Variants in POTEC observed in about 807,000 individuals in gnomAD.
The protein encoded by POTEC is ANKRD26-like family B member 2.
Under a neutral mutation model 62.0 loss-of-function variants are expected in POTEC, and 35 were observed. That is an observed-to-expected ratio of 0.56 (90% confidence interval 0.43 to 0.75). The LOEUF is 0.75. Among genes scored for constraint, POTEC ranks in the 30% least tolerant of loss-of-function variants. The probability of loss-of-function intolerance (pLI) is 0.00; values close to 1 mark genes in which losing one functional copy is unlikely to be tolerated. For missense variants in POTEC, 472 were observed against 655.9 expected, an observed-to-expected ratio of 0.72 and a Z score of 3.06; for synonymous variants, 156 against 221.5, an observed-to-expected ratio of 0.70 and a Z score of 2.62.
chr18:14,519,510 AGTTTGAAAC>A (rs1910253792), intron 9 of POTEC, among the ~76,000 whole-genome samples: 1 of 152,152 alleles, frequency 6.6e-6, no homozygotes. Context: ...TGAGGTCAGG[AGTTTGAAAC>A]CAGGCTGGCC....
rs202231422 is a variant in POTEC at position 14,536,622 on chromosome 18, T to C, written c.810+1179A>G. 8.3e-3 allele frequency among the ~76,000 whole-genome samples: 1,255 copies of C among 152,100 alleles called. 14 individuals are homozygous for C. The highest frequency in any genetic ancestry group is 0.04 in the South Asian group (193 of 4,806). On this transcript the variant is annotated intron_variant, in intron 3 of 10. Transcript: ENST00000358970. Reference sequence around the variant, plus strand: ...GGGGAAAACCTAGACTTGAAGATTATTTAAAAATTTTCCTGAGGTAACTGG... The same window carrying C: ...GGGGAAAACCTAGACTTGAAGATTACTTAAAAATTTTCCTGAGGTAACTGG...
intron 3 of POTEC, among the ~76,000 whole-genome samples, chr18:14,537,154 C>T (rs114385333): frequency 0.023 from 2,503 of 109,144 alleles, 28 homozygotes; most frequent in Middle Eastern, 0.034. Context: ...ATAAAGGAAA[C>T]GAATGAACAA....
At chr18:14,514,234 G>A (rs2143108824) in intron 9 of POTEC, among the ~76,000 whole-genome samples, 1 of 151,994 alleles carries the variant, frequency 6.6e-6, no homozygotes, top group East Asian at 1.9e-4. Flanking sequence ...CCATGCATGA[G>A]CAGCTTGCAA....
intron 9 of POTEC, among the ~76,000 whole-genome samples, chr18:14,519,600 C>G (rs1910256020): frequency 6.6e-6 from 1 of 152,028 alleles, no homozygotes; most frequent in Admixed American, 6.6e-5. Context: ...ACCTGTAATG[C>G]CAGCTACTCA....
chr18:14,538,034 C>T, intron 2 of POTEC, 60 bp from the exon 3 acceptor site: 1 of 1,594,512 alleles, frequency 6.3e-7, no homozygotes, highest in Non-Finnish European at 8.5e-7. Flanking sequence ...TAACATTCCA[C>T]AGCTTTCACC....
chr18:14,523,802 C>G (rs1006741124), intron 7 of POTEC, among the ~76,000 whole-genome samples: 13 of 152,094 alleles, frequency 8.5e-5, no homozygotes, highest in Admixed American at 7.2e-4. Context: ...GCAAACTTAA[C>G]TTTGTTACCA....
At chr18:14,513,639 T>G in intron 10 of POTEC, 23 bp downstream of exon 10, 4 of 1,609,778 alleles carry the variant, frequency 2.5e-6, no homozygotes, top group Non-Finnish European at 3.4e-6. Flanking sequence ...ATGAAAACAT[T>G]TGAAAATGAC....
chr18:14,537,172 AACAC>A lies in POTEC; in HGVS notation c.810+625_810+628del, dbSNP rs1158054861. Among the ~76,000 whole-genome samples, 343 of 64,678 alleles carry A rather than the reference AACAC, an allele frequency of 5.3e-3. 6 individuals carry two copies. Among genetic ancestry groups the A allele is most frequent in the Non-Finnish European group, 6.0e-3 (201 of 33,740 alleles). 42.4% of individuals were successfully genotyped at this position (64,678 alleles called of 152,430 possible). A position where few individuals can be genotyped will look rare whatever the true frequency, so the allele number is the denominator to read the frequency against. ...AAGGAAACGAATGAACAACAATAAC[AACAC>A]ACACACACACACACACACACACACA... On this transcript the variant is annotated intron_variant, in intron 3 of 10. Transcript: ENST00000358970.
At chr18:14,540,150 A>G (rs1276612723) in intron 1 of POTEC, among the ~76,000 whole-genome samples, 1 of 152,132 alleles carries the variant, frequency 6.6e-6, no homozygotes, top group Non-Finnish European at 1.5e-5. Flanking sequence ...ATTATATAAT[A>G]AAATGTATAT....
Position 14,508,060 on chromosome 18 carries a change from T to C in POTEC, c.*3838A>G, listed in dbSNP as rs930058226. 36 of 152,322 alleles carry C rather than the reference T, an allele frequency of 2.4e-4. No individual in the cohort carries two copies. Among genetic ancestry groups the C allele is most frequent in the Admixed American group, 2.1e-3 (32 of 15,304 alleles). The allele number at this position is 152,322 out of a possible 1,614,324, so 9.4% of individuals were successfully genotyped here. ...ATGTGTCTTGGGGATGATCTTCTCA[T>C]GGCATATCTTACTGAGGTTCTCTGG... On this transcript the variant is annotated 3_prime_UTR_variant, in exon 11 of 11. Coordinates refer to ENST00000358970, the MANE Select transcript of POTEC (RefSeq NM_001137671.2).
At chr18:14,512,206 A>T (rs1425616205) in intron 10 of POTEC, among the ~76,000 whole-genome samples, 1 of 152,092 alleles carries the variant, frequency 6.6e-6, no homozygotes, top group Non-Finnish European at 1.5e-5. Flanking sequence ...AAAATAAATC[A>T]CTAGAGGATT....
At chr18:14,526,849 C>A (rs1910450085) in intron 6 of POTEC, among the ~76,000 whole-genome samples, 1 of 152,074 alleles carries the variant, frequency 6.6e-6, no homozygotes, top group African/African-American at 2.4e-5. Context: ...AGATGTAGAT[C>A]ATTTTAATGC....
intron 6 of POTEC, among the ~76,000 whole-genome samples, chr18:14,529,817 G>C (rs1474894140): frequency 6.6e-6 from 1 of 152,062 alleles, no homozygotes; most frequent in Non-Finnish European, 1.5e-5. Flanking sequence ...CAGTAAGAGT[G>C]AGACCTTGTT....
intron 1 of POTEC, among the ~76,000 whole-genome samples, chr18:14,538,645 A>G (rs1024842223): frequency 2.0e-5 from 3 of 151,930 alleles, no homozygotes; most frequent in African/African-American, 7.2e-5. Flanking sequence ...CCTAACACAA[A>G]TAACAGCTCA....
Position 14,507,368 on chromosome 18 carries a change from A to G in POTEC, c.*4530T>C, listed in dbSNP as rs1909869918. 1 of 149,466 alleles carries G rather than the reference A, an allele frequency of 6.7e-6. No homozygotes were observed. Among genetic ancestry groups the G allele is most frequent in the South Asian group, 2.1e-4 (1 of 4,748 alleles). The allele number at this position is 149,466 out of a possible 1,614,324, so 9.3% of individuals were successfully genotyped here. ...TTTTTTTTTAAATCTTTATTGGTAT[A>G]GTCTGTTTTGTCAGAAACTAGGAGT... is the stretch of plus-strand genomic sequence containing the variant. On this transcript the variant is annotated 3_prime_UTR_variant, in exon 11 of 11. Transcript: ENST00000358970.
intron 6 of POTEC, 85 bp from the exon 7 acceptor site, chr18:14,525,068 A>G: frequency 1.3e-6 from 2 of 1,543,814 alleles, no homozygotes; most frequent in Non-Finnish European, 1.8e-6. Flanking sequence ...GATTGAAGAC[A>G]GCATTTTATT....
chr18:14,542,022 A>AAAAT (rs1255118025), intron 1 of POTEC, among the ~76,000 whole-genome samples: 1 of 152,176 alleles, frequency 6.6e-6, no homozygotes, highest in Non-Finnish European at 1.5e-5. Context: ...TCACAATGAT[A>AAAAT]AAATACATCA....
intron 5 of POTEC, among the ~76,000 whole-genome samples, chr18:14,532,373 G>A (rs1309452658): frequency 6.6e-6 from 1 of 151,992 alleles, no homozygotes; most frequent in Non-Finnish European, 1.5e-5. Context: ...GGTGCTTTGG[G>A]AACAATGGCT....
Position 14,509,475 on chromosome 18 carries a change from G to A in POTEC, c.*2423C>T, listed in dbSNP as rs1909939673. The stretch of plus-strand genomic sequence containing the variant: ...TGGGGTGTGTGCTGCATTCCCATAT[G>A]CTGTTAGGGCAAGTACAACAAAACC... On this transcript the variant is annotated 3_prime_UTR_variant, in exon 11 of 11. Coordinates refer to ENST00000358970, the MANE Select transcript of POTEC (RefSeq NM_001137671.2). The A allele has an allele frequency of 6.6e-6, 1 of 151,848 alleles. No homozygotes were observed. The allele number at this position is 151,848 out of a possible 1,614,324, so 9.4% of individuals were successfully genotyped here.
Sources: allele counts gnomAD v4.1 joint callset (sites outside exome capture counted in the v4.1 genomes callset), GRCh38; gene constraint gnomAD v4.1.1; transcripts MANE v1.5; gene names NCBI Gene and HGNC (gene_info 2026-07-23, HGNC 2026-07-21).